Variants in COL4A3 observed in about 807,000 individuals in gnomAD.
COL4A3 encodes the protein collagen type IV alpha 3 chain, also known as collagen alpha-3(IV) chain.
A neutral mutation model predicts 217.4 loss-of-function variants in COL4A3; 135 were observed. That is an observed-to-expected ratio of 0.62 (90% CI 0.54 to 0.72). COL4A3 has a LOEUF of 0.72. COL4A3 is among the 30% of genes least tolerant of loss of function. The pLI is 0.00. For missense variants in COL4A3, 1,868 were observed against 2,119.9 expected (o/e 0.88, Z 2.33); for synonymous variants, 690 against 736.3 (o/e 0.94, Z 1.02).
rs111346527 is a variant in COL4A3, at chr2:227,167,442, T to G, written c.87+2629T>G. 1.6e-3 allele frequency among the ~76,000 whole-genome samples: 237 copies of G among 152,338 alleles called. 1 individual carries two copies. Among genetic ancestry groups the G allele is most frequent in the African/African-American group, 5.4e-3 (226 of 41,582 alleles). On this transcript the variant is annotated intron_variant, in intron 1 of 51. Coordinates refer to ENST00000396578, the MANE Select transcript of COL4A3 (RefSeq NM_000091.5). ...AGCTGTCAGGGCCCAGCTCACCCACTTGAAATAGGGCGGCACCTTGTTGTT... is the reference window on the plus strand; with the variant it reads ...AGCTGTCAGGGCCCAGCTCACCCACGTGAAATAGGGCGGCACCTTGTTGTT...
chr2:227,288,482 T>A (rs886436324), intron 34 of COL4A3, among the ~76,000 whole-genome samples: 1 of 152,188 alleles, frequency 6.6e-6, no homozygotes, highest in Non-Finnish European at 1.5e-5. Context: ...GTTTATGAGC[T>A]TTCCAGCTGG....
intron 1 of COL4A3, among the ~76,000 whole-genome samples, chr2:227,168,359 T>G (rs1333993569): frequency 6.6e-6 from 1 of 152,230 alleles, no homozygotes; most frequent in Non-Finnish European, 1.5e-5. Context: ...ATGTTAATGG[T>G]GTGAAATGAG....
chr2:227,214,898 C>T (rs753522694), intron 1 of COL4A3, among the ~76,000 whole-genome samples: 2 of 152,132 alleles, frequency 1.3e-5, no homozygotes, highest in African/African-American at 2.4e-5. Flanking sequence ...CACATTATTA[C>T]CTAAGGGCTG....
At chr2:227,169,230 TTA>T (rs1402981150) in intron 1 of COL4A3, 3 of 151,480 alleles carry the variant, frequency 2.0e-5, no homozygotes, top group African/African-American at 7.3e-5. Flanking sequence ...TCGTCATTTT[TTA>T]TGGCTGCATA....
intron 15 of COL4A3, among the ~76,000 whole-genome samples, chr2:227,255,157 C>T (rs1192849402): frequency 2.6e-5 from 4 of 152,156 alleles, no homozygotes; most frequent in Non-Finnish European, 5.9e-5. Flanking sequence ...TCTGGTCTCA[C>T]TCTGGATAAA....
chr2:227,232,338 T>G (rs1424898644), intron 1 of COL4A3, among the ~76,000 whole-genome samples: 18 of 152,306 alleles, frequency 1.2e-4, no homozygotes, highest in Admixed American at 1.2e-3. Flanking sequence ...AACATGGGAG[T>G]GCAGATATCT....
At chr2:227,208,710 T>G (rs13405326) in intron 1 of COL4A3, among the ~76,000 whole-genome samples, 23,523 of 151,180 alleles carry the variant, frequency 0.16, 1,990 homozygotes, top group Admixed American at 0.19. Flanking sequence ...TCCCCTGTCT[T>G]GATAAATCAG....
In COL4A3 at chr2:227,191,181, G is replaced by C. The variant is rs930220772; in HGVS notation, c.87+26368G>C. On this transcript the variant is annotated intron_variant, in intron 1 of 51. Transcript: ENST00000396578. The surrounding 1 kb of genome is among the most constrained non-coding windows in gnomAD (Gnocchi z 6.8). Reference sequence around the variant, plus strand: ...ACTTTGCTCTTTTTGGATACTTGGGGAATAACAAAATTTTTATTATTATAA... The same window carrying C: ...ACTTTGCTCTTTTTGGATACTTGGGCAATAACAAAATTTTTATTATTATAA... Among the ~76,000 whole-genome samples the C allele has an allele frequency of 3.3e-5, 5 of 151,936 alleles. No individual in the cohort carries two copies. Among genetic ancestry groups the C allele is most frequent in the African/African-American group, 1.2e-4 (5 of 41,358 alleles).
At chr2:227,299,258 G>T (rs2073174215) in intron 43 of COL4A3, among the ~76,000 whole-genome samples, 1 of 152,220 alleles carries the variant, frequency 6.6e-6, no homozygotes, top group Admixed American at 6.5e-5. Context: ...AGCTGGGCGT[G>T]GAGGCAGGCG....
At chr2:227,220,537 G>A (rs1469624098) in intron 1 of COL4A3, among the ~76,000 whole-genome samples, 7 of 152,088 alleles carry the variant, frequency 4.6e-5, no homozygotes, top group African/African-American at 1.7e-4. Context: ...GGAGCCAACT[G>A]CAGCCTCCAA....
chr2:227,213,948 T>C (rs1338707252), intron 1 of COL4A3, among the ~76,000 whole-genome samples: 2 of 142,642 alleles, frequency 1.4e-5, no homozygotes, highest in African/African-American at 5.2e-5. Flanking sequence ...ACACCGTACA[T>C]ATAAAGAAAA....
At chr2:227,207,065 C>A (rs2067128522) in intron 1 of COL4A3, among the ~76,000 whole-genome samples, 1 of 152,110 alleles carries the variant, frequency 6.6e-6, no homozygotes, top group Non-Finnish European at 1.5e-5. Context: ...CAGAGGAAAT[C>A]CTGAGTCCTG....
chr2:227,266,078 T>G, intron 21 of COL4A3: 1 of 309,592 alleles, frequency 3.2e-6, no homozygotes, highest in Non-Finnish European at 6.1e-6. Context: ...ATGGGGATTA[T>G]AGAACTACAA....
At chr2:227,247,946 T>C (rs895357808) in intron 8 of COL4A3, among the ~76,000 whole-genome samples, 11 of 152,274 alleles carry the variant, frequency 7.2e-5, no homozygotes, top group Non-Finnish European at 1.5e-4. Flanking sequence ...ACTGTAAATT[T>C]TTTATTTTTT....
rs1244473807 is a variant in COL4A3, at chr2:227,313,176, C to G, written c.*1306C>G. On this transcript the variant is annotated 3_prime_UTR_variant, in exon 52 of 52. Transcript: ENST00000396578. Reference sequence around the variant, plus strand: ...CAGAGATGCTAAGAGAAAAAAAAGACTTGTTTCTGATCTAATATCCCAGAA... The same window carrying G: ...CAGAGATGCTAAGAGAAAAAAAAGAGTTGTTTCTGATCTAATATCCCAGAA... 6.6e-6 allele frequency: 1 copy of G among 152,624 alleles called. No homozygotes were observed. The highest frequency in any genetic ancestry group is 1.5e-5 in the Non-Finnish European group (1 of 68,034). The allele number at this position is 152,624 out of a possible 1,614,324, so 9.5% of individuals were successfully genotyped here.
Position 227,310,905 on chromosome 2 carries a change from TAC to T in COL4A3, c.4887_4888del (p.Tyr1629Ter), listed in dbSNP as rs1260353732. The T allele has an allele frequency of 6.2e-7, 1 of 1,614,102 alleles. No individual in the cohort carries two copies. Among genetic ancestry groups the T allele is most frequent in the Non-Finnish European group, 8.5e-7 (1 of 1,180,030 alleles). On this transcript the variant is annotated frameshift_variant, in exon 51 of 52. Coordinates refer to ENST00000396578, the MANE Select transcript of COL4A3 (RefSeq NM_000091.5). LOFTEE classifies it high-confidence loss of function. Reference protein sequence around the residue: ...RGTCNYYSNSYSFWLASLNPE... With the variant: ...RGTCNYYSNSXSFWLASLNPE... The stretch of plus-strand genomic sequence containing the variant: ...AACGTGCAACTACTATTCAAATTCC[TAC>T]AGTTTCTGGCTGGCTTCATTAAACC...
intron 41 of COL4A3, among the ~76,000 whole-genome samples, chr2:227,295,782 G>A (rs1212178756): frequency 6.6e-6 from 1 of 152,182 alleles, no homozygotes; most frequent in Non-Finnish European, 1.5e-5. Context: ...AGGCGACCCA[G>A]AGAGTCTCTC....
chr2:227,210,949 C>T (rs28444258), intron 1 of COL4A3, among the ~76,000 whole-genome samples: 23,195 of 152,020 alleles, frequency 0.15, 1,917 homozygotes, highest in Admixed American at 0.19. Context: ...TACGTGTGTT[C>T]GTTTTCATCT....
chr2:227,280,752 C>T, intron 30 of COL4A3, 141 bp from the exon 31 acceptor site: 1 of 1,061,750 alleles, frequency 9.4e-7, no homozygotes, highest in South Asian at 1.3e-5. Flanking sequence ...TTAATGAGTG[C>T]CCTCTAGAAA....
Sources: allele counts gnomAD v4.1 joint callset (sites outside exome capture counted in the v4.1 genomes callset), GRCh38; gene constraint gnomAD v4.1.1; non-coding constraint Gnocchi (gnomAD v3.1); transcripts MANE v1.5; gene names NCBI Gene and HGNC (gene_info 2026-07-23, HGNC 2026-07-21).